The following NOX4 variants were observed in gnomAD, a reference collection of about 807,000 sequenced individuals.
NOX4 encodes NADPH oxidase 4, also known as kidney oxidase-1.
NOX4 carries 69 observed loss-of-function variants against 87.6 expected under a neutral mutation model. The ratio of observed to expected loss-of-function variants is 0.79; its 90% CI spans 0.65 to 0.96. The LOEUF is 0.96. Ranked by LOEUF, NOX4 falls within the 40% of genes least tolerant of loss-of-function variation. The pLI, the probability that NOX4 is intolerant of heterozygous loss-of-function variation, is 0.00. For missense variants in NOX4, 680 were observed against 681.5 expected (o/e 1.00, Z 0.02); for synonymous variants, 275 against 238.2 (o/e 1.15, Z -1.42).
chr11:89,449,130 A>G (rs901125957), intron 4 of NOX4, among the ~76,000 whole-genome samples: 6 of 152,178 alleles, frequency 3.9e-5, no homozygotes, highest in Non-Finnish European at 5.9e-5. Context: ...AAGAACTACT[A>G]AGCTATTTAA....
At chr11:89,558,864 T>A in the NOX4 span, among the ~76,000 whole-genome samples, 1 of 152,150 alleles carries the variant, frequency 6.6e-6, no homozygotes, top group African/African-American at 2.4e-5. Context: ...GTCCCATGCA[T>A]CTGATTATTA....
the NOX4 span, chr11:89,577,385 C>A: frequency 6.6e-6 from 1 of 152,078 alleles, no homozygotes; most frequent in Admixed American, 6.6e-5. Flanking sequence ...AAGCCATTTA[C>A]ATATCTTGCT....
intron 8 of NOX4, among the ~76,000 whole-genome samples, chr11:89,405,115 T>TGTGTG (rs58137988): frequency 8.0e-5 from 12 of 150,020 alleles, no homozygotes; most frequent in Middle Eastern, 3.4e-3. Flanking sequence ...TGTGTGTGTG[T>TGTGTG]TGGAATGGGG....
intron 4 of NOX4, among the ~76,000 whole-genome samples, chr11:89,444,505 A>G (rs1944600550): frequency 1.4e-5 from 2 of 142,390 alleles, no homozygotes; most frequent in African/African-American, 5.4e-5. Flanking sequence ...ACACACACAC[A>G]TCCTCCCCCT....
the NOX4 span, among the ~76,000 whole-genome samples, chr11:89,534,462 T>C: frequency 6.6e-6 from 1 of 152,224 alleles, no homozygotes; most frequent in Non-Finnish European, 1.5e-5. Context: ...TCCTCTTCAA[T>C]ATACATTACC....
chr11:89,473,542 T>C (rs1232437901), intron 2 of NOX4, among the ~76,000 whole-genome samples: 1 of 152,086 alleles, frequency 6.6e-6, no homozygotes, highest in East Asian at 1.9e-4. Context: ...CTATCCATAA[T>C]GATATATATT....
In NOX4 at chr11:89,449,435, C is replaced by T. The variant is rs1320257469; in HGVS notation, c.349+5G>A. ...AAATTATTTAATATCTTGTGGCTTT[C>T]TCACCTGAGAAAATACAGATAGTAA... On this transcript the variant is annotated splice_donor_5th_base_variant and intron_variant, in intron 4 of 17. Transcript: ENST00000263317. The T allele has an allele frequency of 6.3e-7, 1 of 1,584,304 alleles. No homozygotes were observed. The highest frequency in any genetic ancestry group is 1.1e-5 in the South Asian group (1 of 87,186).
At chr11:89,457,407 C>G (rs1299578645) in intron 2 of NOX4, among the ~76,000 whole-genome samples, 2 of 152,208 alleles carry the variant, frequency 1.3e-5, no homozygotes, top group African/African-American at 4.8e-5. Flanking sequence ...ACTTCAGGCT[C>G]ACTCCCACCA....
At chr11:89,488,873 T>C (rs1306736071) in intron 2 of NOX4, 3 of 629,752 alleles carry the variant, frequency 4.8e-6, no homozygotes, top group African/African-American at 3.7e-5. Flanking sequence ...CCTTTTCTTG[T>C]TTATTGAATT....
At chr11:89,445,030 A>C (rs1402958007) in intron 4 of NOX4, among the ~76,000 whole-genome samples, 3 of 152,144 alleles carry the variant, frequency 2.0e-5, no homozygotes, top group Non-Finnish European at 4.4e-5. Context: ...GCTTGTAGGC[A>C]AAATAAGGTG....
chr11:89,433,295 G>A (rs1354714152), intron 6 of NOX4, among the ~76,000 whole-genome samples: 3 of 151,960 alleles, frequency 2.0e-5, no homozygotes, highest in Non-Finnish European at 2.9e-5. Flanking sequence ...TTTCAAAGTC[G>A]TTTAGACCAA....
chr11:89,466,087 GC>G (rs1292151684), intron 2 of NOX4, among the ~76,000 whole-genome samples: 7 of 152,218 alleles, frequency 4.6e-5, no homozygotes, highest in Admixed American at 2.6e-4. Flanking sequence ...AAGGAAGAGG[GC>G]CCTCATCAAA....
chr11:89,376,750 T>A (rs1939871079), intron 11 of NOX4, among the ~76,000 whole-genome samples: 1 of 151,884 alleles, frequency 6.6e-6, no homozygotes, highest in African/African-American at 2.4e-5. Context: ...GGCATGGTGG[T>A]AGGTGCCTGT....
At chr11:89,501,607 C>A (rs1161626315), upstream of NOX4, among the ~76,000 whole-genome samples, 1 of 152,046 alleles carries the variant, frequency 6.6e-6, no homozygotes, top group Non-Finnish European at 1.5e-5. Flanking sequence ...GGCTGGTATA[C>A]AACGACCTTT....
upstream of NOX4, among the ~76,000 whole-genome samples, chr11:89,500,624 A>G (rs1193031502): frequency 6.6e-6 from 1 of 152,140 alleles, no homozygotes; most frequent in Non-Finnish European, 1.5e-5. Flanking sequence ...TACAAAGGAA[A>G]TTTCTTCCAC....
intron 7 of NOX4, among the ~76,000 whole-genome samples, chr11:89,426,849 C>T (rs1282440553): frequency 2.0e-5 from 3 of 152,140 alleles, no homozygotes; most frequent in African/African-American, 4.8e-5. Flanking sequence ...TTAAATATCC[C>T]TGTCTGACAG....
At chr11:89,490,225 G>T (rs1488583758) in intron 2 of NOX4, among the ~76,000 whole-genome samples, 1 of 152,164 alleles carries the variant, frequency 6.6e-6, no homozygotes, top group Non-Finnish European at 1.5e-5. Context: ...GGTCTGGCAG[G>T]TTCATTCGTT....
the NOX4 span, among the ~76,000 whole-genome samples, chr11:89,574,356 C>T: frequency 6.6e-6 from 1 of 152,140 alleles, no homozygotes; most frequent in Non-Finnish European, 1.5e-5. Flanking sequence ...AAAGTACTGC[C>T]CAATCTGTCG....
intron 7 of NOX4, among the ~76,000 whole-genome samples, chr11:89,426,381 C>T (rs1253279133): frequency 6.6e-6 from 1 of 151,866 alleles, no homozygotes; most frequent in African/African-American, 2.4e-5. Flanking sequence ...GGGTACAGGA[C>T]AGTGGGTACA....
Sources: allele counts gnomAD v4.1 joint callset (sites outside exome capture counted in the v4.1 genomes callset), GRCh38; gene constraint gnomAD v4.1.1; transcripts MANE v1.5; gene names NCBI Gene and HGNC (gene_info 2026-07-23, HGNC 2026-07-21).